ZBTB25: variants seen among roughly 807,000 people sequenced by gnomAD.
ZBTB25 encodes zinc finger and BTB domain-containing protein 25.
ZBTB25 carries 20 observed loss-of-function variants against 34.2 expected under a neutral mutation model. That is an observed-to-expected ratio of 0.58 (90% confidence interval 0.41 to 0.85). ZBTB25 has a LOEUF of 0.85. Among genes scored for constraint, ZBTB25 ranks in the 40% least tolerant of loss-of-function variants. ZBTB25 has a pLI of 0.00. For synonymous variants in ZBTB25, 175 were observed against 186.4 expected (o/e 0.94, Z 0.50); for missense variants, 437 against 521.8 (o/e 0.84, Z 1.58).
At chr14:64,460,431 C>G (rs2078539842) in intron 2 of ZBTB25, 1 of 152,684 alleles carries the variant, frequency 6.5e-6, no homozygotes, top group Non-Finnish European at 1.5e-5. Context: ...TCTGTTGGTG[C>G]AGCAAGTATT....
Position 64,483,151 on chromosome 14 carries a change from T to G in ZBTB25, c.*3772A>C, listed in dbSNP as rs774537592. On this transcript the variant is annotated 3_prime_UTR_variant, in exon 3 of 3. Coordinates refer to ENST00000608382, the MANE Select transcript of ZBTB25 (RefSeq NM_006977.5). ...AGTATCTGCCTGATACACACGAAAG[T>G]GCATATGACATTTCCAGTTTCAAGC... The G allele has an allele frequency of 7.2e-5, 11 of 152,198 alleles. No individual in the cohort carries two copies. Among genetic ancestry groups the G allele is most frequent in the Non-Finnish European group, 1.5e-4 (10 of 68,038 alleles). 9.4% of individuals were successfully genotyped at this position (152,198 alleles called of 1,614,324 possible).
chr14:64,449,321 C>A, exon 3 of ZBTB25: 1 of 1,171,306 alleles, frequency 8.5e-7, no homozygotes, highest in Non-Finnish European at 1.3e-6. Flanking sequence ...CAAACCCAGG[C>A]CAAATTTCTT....
At chr14:64,475,637 G>C (rs949143142), downstream of ZBTB25, among the ~76,000 whole-genome samples, 2 of 152,080 alleles carry the variant, frequency 1.3e-5, no homozygotes, top group Non-Finnish European at 2.9e-5. Flanking sequence ...TAAGCTTACT[G>C]GGGGTTAAGT....
intron 1 of ZBTB25, among the ~76,000 whole-genome samples, chr14:64,502,268 G>A (rs1400567996): frequency 2.6e-5 from 4 of 152,304 alleles, no homozygotes; most frequent in Non-Finnish European, 5.9e-5. Flanking sequence ...AGGTTACGTG[G>A]GTTCCTTTCT....
In ZBTB25 at chr14:64,461,458, C is replaced by A. The variant is rs185733334; in HGVS notation, c.174-11820G>T. 1.1e-3 allele frequency: 162 copies of A among 152,142 alleles called. 1 individual carries two copies. The highest frequency in any genetic ancestry group is 3.7e-3 in the African/African-American group (152 of 41,450). 9.4% of individuals were successfully genotyped at this position (152,142 alleles called of 1,614,324 possible). A position where few individuals can be genotyped will look rare whatever the true frequency, so the allele number is the denominator to read the frequency against. ...CGGTTCTGGAATTACTCAAACACATCATCTAAGATGCTTTGTACAGGGCCT... is the reference window on the plus strand; with the variant it reads ...CGGTTCTGGAATTACTCAAACACATAATCTAAGATGCTTTGTACAGGGCCT... On this transcript the variant is annotated intron_variant, in intron 2 of 2. Coordinates refer to the ZBTB25 transcript ENST00000555220.
At chr14:64,491,931 T>C (rs2079094049) in intron 1 of ZBTB25, among the ~76,000 whole-genome samples, 2 of 151,936 alleles carry the variant, frequency 1.3e-5, no homozygotes, top group African/African-American at 4.8e-5. Flanking sequence ...ATATAATAAA[T>C]ATAGCTAACA....
chr14:64,458,934 C>G (rs559697206), intron 2 of ZBTB25, among the ~76,000 whole-genome samples: 2 of 152,272 alleles, frequency 1.3e-5, no homozygotes, highest in East Asian at 3.9e-4. Flanking sequence ...TAGACACATC[C>G]TGTTGAAACT....
chr14:64,450,201 C>G (rs2078348217), intron 2 of ZBTB25, among the ~76,000 whole-genome samples: 1 of 152,190 alleles, frequency 6.6e-6, no homozygotes, highest in African/African-American at 2.4e-5. Context: ...CGAAAAGGGT[C>G]AAAGTACAGG....
upstream of ZBTB25, chr14:64,504,886 C>G (rs936998907): frequency 2.5e-6 from 1 of 396,726 alleles, no homozygotes; most frequent in African/African-American, 2.1e-5. Flanking sequence ...CCCGCCTTTC[C>G]CGCGGCTGAT....
At chr14:64,471,045 G>T (rs984924827) in intron 2 of ZBTB25, 6 of 166,906 alleles carry the variant, frequency 3.6e-5, no homozygotes, top group African/African-American at 1.4e-4. Flanking sequence ...TATTGCTAAA[G>T]CACATTATAA....
At chr14:64,465,005 C>G (rs531768853) in intron 2 of ZBTB25, among the ~76,000 whole-genome samples, 57 of 152,294 alleles carry the variant, frequency 3.7e-4, no homozygotes, top group African/African-American at 1.2e-3. Flanking sequence ...CTTTCTGTTT[C>G]CATTTATATA....
chr14:64,487,126 A>T lies in ZBTB25; in HGVS notation c.1105T>A (p.Tyr369Asn), dbSNP rs942326203. The change falls in exon 3 of 3, where the codon TAT becomes AAT. Residue 369 changes from tyrosine to asparagine, a missense_variant. Transcript: ENST00000608382. ...CTGTAAGATTTACCTTTGTGTGTAT[A>T]CATGTGTTCCAACAATTGGCTCTTT... Reference protein sequence around the residue: ...PRKSQLLEHMYTHKGKSYRYN... With the variant: ...PRKSQLLEHMNTHKGKSYRYN... 2 of 1,614,210 alleles carry T rather than the reference A, an allele frequency of 1.2e-6. No individual in the cohort carries two copies.
chr14:64,476,550 T>C (rs1372341930), downstream of ZBTB25, among the ~76,000 whole-genome samples: 1 of 152,210 alleles, frequency 6.6e-6, no homozygotes, highest in Non-Finnish European at 1.5e-5. Context: ...GTCAAACACC[T>C]GACCTTGTGA....
At chr14:64,449,666 G>A (rs1325996603) in intron 2 of ZBTB25, 1 of 1,604,164 alleles carries the variant, frequency 6.2e-7, no homozygotes, top group South Asian at 1.1e-5. Flanking sequence ...AGACGAAAAG[G>A]GCACAGTGAA....
rs1341241107 is a variant in ZBTB25, at chr14:64,484,670, GA to G, written c.*2252del. The G allele has an allele frequency of 6.6e-6, 1 of 151,942 alleles. No homozygotes were observed. The highest frequency in any genetic ancestry group is 1.5e-5 in the Non-Finnish European group (1 of 68,036). 9.4% of individuals were successfully genotyped at this position (151,942 alleles called of 1,614,324 possible). A position where few individuals can be genotyped will look rare whatever the true frequency, so the allele number is the denominator to read the frequency against. On this transcript the variant is annotated 3_prime_UTR_variant, in exon 3 of 3. Transcript: ENST00000608382. The stretch of plus-strand genomic sequence containing the variant: ...GCACTCCAGCCTGGGCAACAAGGGT[GA>G]AACTCCATCTTAAAAAAAAATTAAA...
At chr14:64,488,166 C>T (rs1046460382) in intron 2 of ZBTB25, 109 bp from the exon 3 acceptor site, 84 of 1,449,500 alleles carry the variant, frequency 5.8e-5, no homozygotes, top group Non-Finnish European at 7.3e-5. Context: ...AAGTTCGAAC[C>T]TAGCAATCTG....
At chr14:64,472,026 G>A (rs1001166263) in intron 2 of ZBTB25, 6 of 166,362 alleles carry the variant, frequency 3.6e-5, no homozygotes, top group East Asian at 1.9e-4. Flanking sequence ...CTTATAATCC[G>A]GGGAGGAGGG....
At chr14:64,458,392 A>G (rs776917950) in intron 2 of ZBTB25, 13 of 918,592 alleles carry the variant, frequency 1.4e-5, no homozygotes, top group Non-Finnish European at 2.2e-5. Context: ...CGCTATAAAA[A>G]TTCACATTCT....
Position 64,485,051 on chromosome 14 carries a change from T to C in ZBTB25, c.*1872A>G, listed in dbSNP as rs561170700. On this transcript the variant is annotated 3_prime_UTR_variant, in exon 3 of 3. Transcript: ENST00000608382. ...CTTAACCATAGGAGCCTTTACTCAC[T>C]TGTTTAAGGCAGAAACTCAACTGCC... 2.0e-4 allele frequency: 193 copies of C among 985,466 alleles called. No individual in the cohort carries two copies. Among genetic ancestry groups the C allele is most frequent in the Non-Finnish European group, 2.2e-4 (180 of 829,944 alleles). 61.0% of individuals were successfully genotyped at this position (985,466 alleles called of 1,614,324 possible).
Sources: gnomAD v4.1 joint callset for allele counts (sites outside exome capture counted in the v4.1 genomes callset) on GRCh38, gnomAD v4.1.1 for gene constraint, MANE v1.5 for transcripts, NCBI Gene and HGNC (gene_info 2026-07-23, HGNC 2026-07-21) for gene names.